The following ITPR2 variants were observed in gnomAD, a reference collection of about 807,000 sequenced individuals.
ITPR2 encodes the protein inositol 1,4,5-trisphosphate-gated calcium channel ITPR2.
In ITPR2, 207 loss-of-function variants were observed where a neutral mutation model predicts 317.1. The ratio of observed to expected loss-of-function variants is 0.65; its 90% CI spans 0.58 to 0.73. The LOEUF (loss-of-function observed/expected upper bound fraction) is 0.73, where lower values mean the gene tolerates loss of function less well. Ranked by LOEUF, ITPR2 falls within the 30% of genes least tolerant of loss-of-function variation. ITPR2 has a pLI of 0.00. For missense variants in ITPR2, 2,613 were observed against 3,284.0 expected (o/e 0.80, Z 4.99); for synonymous variants, 1,156 against 1,149.1 (o/e 1.01, Z -0.12).
chr12:26,797,284 T>C (rs572936482), intron 1 of ITPR2, among the ~76,000 whole-genome samples: 2 of 152,296 alleles, frequency 1.3e-5, no homozygotes, highest in Non-Finnish European at 2.9e-5. Flanking sequence ...ATGTATAAAA[T>C]ATGTGGCTAT....
chr12:26,647,097 A>C (rs997620796), intron 21 of ITPR2, among the ~76,000 whole-genome samples: 4 of 152,244 alleles, frequency 2.6e-5, no homozygotes, highest in Non-Finnish European at 5.9e-5. Flanking sequence ...AATTATGCCC[A>C]AAGTTCACTG....
rs544879114 is a variant in ITPR2, at chr12:26,730,152, C to T, written c.164-4387G>A. On this transcript the variant is annotated intron_variant, in intron 2 of 56. Transcript: ENST00000381340. ...ACGATGTGTCTTTGTATACACTTCT[C>T]AAATTCCTTGGAACAAAATGACAGT... Among the ~76,000 whole-genome samples, 8 of 152,286 alleles carry T rather than the reference C, an allele frequency of 5.3e-5. No individual in the cohort carries two copies. The South Asian group carries it at 1.7e-3, about 32-fold the overall frequency.
At chr12:26,808,250 C>T (rs7316303) in intron 1 of ITPR2, among the ~76,000 whole-genome samples, 24,912 of 152,130 alleles carry the variant, frequency 0.16, 2,403 homozygotes, top group East Asian at 0.43. Flanking sequence ...AAAGCCAGAT[C>T]CCTCTCTTGA....
At chr12:26,469,574 G>A (rs925499339) in intron 45 of ITPR2, among the ~76,000 whole-genome samples, 9 of 152,264 alleles carry the variant, frequency 5.9e-5, no homozygotes, top group Admixed American at 2.6e-4. Context: ...TATTCACTGC[G>A]TAGCTTATAT....
chr12:26,702,520 C>T (rs1483538741), intron 9 of ITPR2, among the ~76,000 whole-genome samples: 4 of 151,502 alleles, frequency 2.6e-5, no homozygotes, highest in Non-Finnish European at 5.9e-5. Flanking sequence ...CTCACTGCAA[C>T]CTCCACCTCC....
intron 55 of ITPR2, among the ~76,000 whole-genome samples, chr12:26,370,340 G>A (rs960724178): frequency 3.3e-5 from 5 of 152,176 alleles, no homozygotes; most frequent in South Asian, 2.1e-4. Flanking sequence ...ACTGCAGTAT[G>A]TTACCAGTTG....
At chr12:26,724,495 C>T (rs1323564522) in intron 4 of ITPR2, among the ~76,000 whole-genome samples, 161 bp downstream of exon 4, 3 of 152,126 alleles carry the variant, frequency 2.0e-5, no homozygotes, top group Non-Finnish European at 4.4e-5. Flanking sequence ...AATAGTGCAG[C>T]ACATATCAAA....
intron 35 of ITPR2, 100 bp from the exon 36 acceptor site, chr12:26,556,475 A>T: frequency 2.8e-6 from 3 of 1,082,970 alleles, no homozygotes; most frequent in South Asian, 3.3e-5. Flanking sequence ...AATTTTATAG[A>T]TGCCCCTCTA....
At chr12:26,447,794 C>T (rs1941642683) in intron 45 of ITPR2, among the ~76,000 whole-genome samples, 1 of 151,888 alleles carries the variant, frequency 6.6e-6, no homozygotes, top group Non-Finnish European at 1.5e-5. Flanking sequence ...TTACTAAAAG[C>T]ACAATACAAT....
chr12:26,386,920 T>C (rs1435619650), intron 55 of ITPR2, among the ~76,000 whole-genome samples: 3 of 152,160 alleles, frequency 2.0e-5, no homozygotes, highest in Admixed American at 1.3e-4. Context: ...CAGTGCAAAT[T>C]CATCAGCAAC....
intron 21 of ITPR2, among the ~76,000 whole-genome samples, chr12:26,637,691 A>G (rs1166593051): frequency 6.6e-6 from 1 of 152,192 alleles, no homozygotes; most frequent in Non-Finnish European, 1.5e-5. Flanking sequence ...ACCTCTGAAA[A>G]ACAACTCTTC....
intron 55 of ITPR2, among the ~76,000 whole-genome samples, chr12:26,356,309 C>T (rs1184240021): frequency 6.6e-6 from 1 of 152,212 alleles, no homozygotes; most frequent in East Asian, 1.9e-4. Context: ...AGGTCTTCAC[C>T]TGCTCTGCCA....
chr12:26,645,979 T>C (rs2136874668), intron 21 of ITPR2, among the ~76,000 whole-genome samples: 1 of 148,022 alleles, frequency 6.8e-6, no homozygotes, highest in East Asian at 1.9e-4. Context: ...CCTTTTTTTT[T>C]TTTTTTTTTT....
At chr12:26,597,252 G>A (rs773887342) in intron 30 of ITPR2, 118 bp from the exon 31 acceptor site, 117 of 1,113,822 alleles carry the variant, frequency 1.1e-4, no homozygotes, top group Non-Finnish European at 1.4e-4. Context: ...TATATAATAC[G>A]GCAAAGACAG....
intron 1 of ITPR2, among the ~76,000 whole-genome samples, chr12:26,806,221 T>C (rs1217539098): frequency 1.3e-5 from 2 of 152,172 alleles, no homozygotes; most frequent in African/African-American, 4.8e-5. Context: ...GTAATGACCA[T>C]AAATATAGTG....
intron 34 of ITPR2, among the ~76,000 whole-genome samples, chr12:26,567,039 T>C (rs1488784624): frequency 1.3e-5 from 2 of 152,188 alleles, no homozygotes; most frequent in Non-Finnish European, 2.9e-5. Flanking sequence ...GAAAATAAAA[T>C]GTTTCTCAAA....
At chr12:26,609,701 T>G (rs1310940493) in intron 26 of ITPR2, among the ~76,000 whole-genome samples, 1 of 152,184 alleles carries the variant, frequency 6.6e-6, no homozygotes, top group Non-Finnish European at 1.5e-5. Flanking sequence ...AGTATCAATT[T>G]AAATGTGGTT....
chr12:26,583,562 C>T (rs549812691), intron 32 of ITPR2, among the ~76,000 whole-genome samples: 112 of 152,120 alleles, frequency 7.4e-4, no homozygotes, highest in South Asian at 1.7e-3. Context: ...CATTTTTATT[C>T]TAGTTTTTAA....
intron 9 of ITPR2, among the ~76,000 whole-genome samples, chr12:26,696,346 G>A (rs10842778): frequency 0.21 from 31,967 of 152,046 alleles, 4,077 homozygotes; most frequent in African/African-American, 0.36. Flanking sequence ...ATAGATGTAT[G>A]AGGTGTGTTT....
Sources: allele counts gnomAD v4.1 joint callset (sites outside exome capture counted in the v4.1 genomes callset), GRCh38; gene constraint gnomAD v4.1.1; transcripts MANE v1.5; gene names NCBI Gene and HGNC (gene_info 2026-07-23, HGNC 2026-07-21).